Variants in LIMCH1 observed in about 807,000 individuals in gnomAD.
The protein encoded by LIMCH1 is LIM and calponin homology domains 1.
In LIMCH1, 113 loss-of-function variants were observed where a neutral mutation model predicts 176.5. The ratio of observed to expected loss-of-function variants is 0.64; its 90% CI spans 0.55 to 0.75. LIMCH1 has a LOEUF of 0.75. Ranked by LOEUF, LIMCH1 falls within the 30% of genes least tolerant of loss-of-function variation. LIMCH1 has a pLI of 0.00. For missense variants in LIMCH1, 1,674 were observed against 1,814.9 expected (o/e 0.92, Z 1.41); for synonymous variants, 619 against 645.9 (o/e 0.96, Z 0.63).
intron 2 of LIMCH1, among the ~76,000 whole-genome samples, chr4:41,503,032 T>C (rs2073644785): frequency 6.6e-6 from 1 of 151,952 alleles, no homozygotes; most frequent in Admixed American, 6.6e-5. Flanking sequence ...CATCCATCCA[T>C]CCATCCATCC....
intron 1 of LIMCH1, among the ~76,000 whole-genome samples, chr4:41,403,677 G>T (rs2058692317): frequency 6.6e-6 from 1 of 152,184 alleles, no homozygotes; most frequent in South Asian, 2.1e-4. Context: ...CCTAGCTCCT[G>T]CATTGATCTT....
At chr4:41,647,224 G>A (rs376908272) in intron 17 of LIMCH1, among the ~76,000 whole-genome samples, 3 of 152,224 alleles carry the variant, frequency 2.0e-5, no homozygotes, top group African/African-American at 7.2e-5. Flanking sequence ...TAATACCCTA[G>A]TATTTCTAGG....
At chr4:41,598,797 G>A (rs2089402373) in intron 1 of LIMCH1, 123 bp from the exon 2 acceptor site, 2 of 495,934 alleles carry the variant, frequency 4.0e-6, no homozygotes, top group Non-Finnish European at 7.3e-6. Context: ...TGTTATGCAA[G>A]CTATGATTTA....
At chr4:41,562,212 A>G (rs1381061534) in intron 1 of LIMCH1, among the ~76,000 whole-genome samples, 3 of 152,146 alleles carry the variant, frequency 2.0e-5, no homozygotes, top group Non-Finnish European at 2.9e-5. Context: ...TTCAGTTTCC[A>G]GTTACAACTT....
At chr4:41,527,550 C>T (rs1351095002) in intron 3 of LIMCH1, among the ~76,000 whole-genome samples, 1 of 152,150 alleles carries the variant, frequency 6.6e-6, no homozygotes, top group Non-Finnish European at 1.5e-5. Flanking sequence ...GCCCCGTCCT[C>T]GGCCGGGCGT....
intron 2 of LIMCH1, among the ~76,000 whole-genome samples, chr4:41,503,604 G>A (rs1346667233): frequency 6.6e-6 from 1 of 152,158 alleles, no homozygotes; most frequent in East Asian, 1.9e-4. Flanking sequence ...AGAGAAGGAT[G>A]CTTTGGAGGG....
chr4:41,691,386 T>A (rs1344663935), intron 30 of LIMCH1, among the ~76,000 whole-genome samples: 1 of 152,114 alleles, frequency 6.6e-6, no homozygotes, highest in African/African-American at 2.4e-5. Context: ...GCACTCAGCC[T>A]GTGTTGGTGG....
intron 1 of LIMCH1, among the ~76,000 whole-genome samples, chr4:41,420,003 A>G (rs1232764435): frequency 6.6e-6 from 1 of 152,204 alleles, no homozygotes; most frequent in African/African-American, 2.4e-5. Context: ...AGTGCTATGA[A>G]TAAAACTAAA....
chr4:41,364,978 T>A (rs959159240), intron 1 of LIMCH1, among the ~76,000 whole-genome samples: 5 of 152,220 alleles, frequency 3.3e-5, no homozygotes, highest in African/African-American at 1.2e-4. Context: ...TCCCCGCTTC[T>A]CTTGGCCTCA....
intron 5 of LIMCH1, among the ~76,000 whole-genome samples, chr4:41,614,022 T>C (rs1325321001): frequency 3.3e-5 from 5 of 152,222 alleles, no homozygotes; most frequent in Non-Finnish European, 7.3e-5. Context: ...AGCTAAATGT[T>C]TGAGTGAGTA....
intron 1 of LIMCH1, among the ~76,000 whole-genome samples, chr4:41,581,799 CTG>C (rs1428220971): frequency 1.1e-5 from 1 of 89,320 alleles, no homozygotes; most frequent in Non-Finnish European, 2.0e-5. Context: ...GAGCAAGACT[CTG>C]TCTCAAAAAA....
At chr4:41,585,762 T>C (rs1184239202) in intron 1 of LIMCH1, among the ~76,000 whole-genome samples, 2 of 152,198 alleles carry the variant, frequency 1.3e-5, no homozygotes, top group Non-Finnish European at 2.9e-5. Flanking sequence ...TCATTGTGTT[T>C]GATTTGCCTG....
chr4:41,386,487 G>A (rs76323508), intron 1 of LIMCH1, among the ~76,000 whole-genome samples: 7,497 of 152,252 alleles, frequency 0.049, 609 homozygotes, highest in African/African-American at 0.17. Context: ...AACATAGTAA[G>A]CACCAATTAT....
At chr4:41,501,728 G>C (rs758535213) in intron 2 of LIMCH1, among the ~76,000 whole-genome samples, 1 of 151,902 alleles carries the variant, frequency 6.6e-6, no homozygotes, top group East Asian at 1.9e-4. Flanking sequence ...CTGAATTATA[G>C]AAAACAATAG....
intron 8 of LIMCH1, among the ~76,000 whole-genome samples, chr4:41,628,858 A>G (rs2093146951): frequency 6.6e-6 from 1 of 152,216 alleles, no homozygotes; most frequent in African/African-American, 2.4e-5. Flanking sequence ...AATCCAGGTA[A>G]AGAGGAATAC....
At chr4:41,689,787 C>T in intron 30 of LIMCH1, 152 bp downstream of exon 30, 1 of 544,560 alleles carries the variant, frequency 1.8e-6, no homozygotes, top group Non-Finnish European at 3.3e-6. Context: ...GAATGAAACT[C>T]ACCTATCACG....
intron 1 of LIMCH1, among the ~76,000 whole-genome samples, chr4:41,573,747 G>A (rs1438550655): frequency 6.6e-6 from 1 of 152,042 alleles, no homozygotes; most frequent in African/African-American, 2.4e-5. Context: ...CAGCAGTAAA[G>A]TTGCTAGATC....
At chr4:41,678,707 GGT>G (rs200745183) in intron 23 of LIMCH1, among the ~76,000 whole-genome samples, 4 of 151,702 alleles carry the variant, frequency 2.6e-5, no homozygotes, top group East Asian at 1.9e-4. Flanking sequence ...TGTAGGGGAG[GGT>G]GTGAGAGAGA....
At chr4:41,500,075 C>CATAGT (rs2072984624) in intron 2 of LIMCH1, among the ~76,000 whole-genome samples, 1 of 152,196 alleles carries the variant, frequency 6.6e-6, no homozygotes, top group East Asian at 1.9e-4. Flanking sequence ...TGGCATGGGA[C>CATAGT]ATAGTAGGGT....
Sources: gnomAD v4.1 joint callset for allele counts (sites outside exome capture counted in the v4.1 genomes callset) on GRCh38, gnomAD v4.1.1 for gene constraint, MANE v1.5 for transcripts, NCBI Gene and HGNC (gene_info 2026-07-23, HGNC 2026-07-21) for gene names.